Variants in RHOJ observed in about 807,000 individuals in gnomAD.
RHOJ encodes ras homolog family member J.
RHOJ carries 11 observed loss-of-function variants against 23.4 expected under a neutral mutation model. That is an observed-to-expected ratio of 0.47 (90% CI 0.30 to 0.78). The LOEUF is 0.78. Ranked by LOEUF, RHOJ falls within the 30% of genes least tolerant of loss-of-function variation. RHOJ has a pLI of 0.08. For missense variants in RHOJ, 254 were observed against 273.4 expected (o/e 0.93, Z 0.50); for synonymous variants, 102 against 102.7 (o/e 0.99, Z 0.04).
chr14:63,288,031 A>G (rs1365261445), intron 4 of RHOJ, among the ~76,000 whole-genome samples: 1 of 152,206 alleles, frequency 6.6e-6, no homozygotes, highest in Non-Finnish European at 1.5e-5. Flanking sequence ...CACTTGACAC[A>G]TGGTAACAAT....
In RHOJ at chr14:63,290,956, A is replaced by G; in HGVS notation, c.577A>G (p.Thr193Ala). The change falls in exon 5 of 5, where the codon ACC becomes GCC. Residue 193 changes from threonine (T) to alanine (A), a missense_variant. Thr to Ala is a moderately conservative substitution (Grantham distance 58). Coordinates refer to ENST00000316754, the MANE Select transcript of RHOJ (RefSeq NM_020663.5). ...LKAVFDEAIL[T>A]IFHPKKKKKR... is the part of the protein sequence containing the mutation. ...AGCGGTTTTTGATGAAGCAATCCTC[A>G]CCATTTTCCACCCCAAGAAAAAGAA... The G allele has an allele frequency of 6.2e-7, 1 of 1,614,062 alleles. No individual in the cohort carries two copies. Among genetic ancestry groups the G allele is most frequent in the Non-Finnish European group, 8.5e-7 (1 of 1,180,004 alleles).
At chr14:63,276,853 T>G (rs1034779981) in intron 2 of RHOJ, among the ~76,000 whole-genome samples, 2 of 152,248 alleles carry the variant, frequency 1.3e-5, no homozygotes, top group African/African-American at 4.8e-5. Flanking sequence ...ACAACAGTTA[T>G]TTGTTCCTAC....
intron 1 of RHOJ, among the ~76,000 whole-genome samples, chr14:63,263,136 T>C (rs889466771): frequency 6.6e-6 from 1 of 152,196 alleles, no homozygotes. Context: ...CCATTTTTAA[T>C]AGATAAGGAA....
chr14:63,242,478 A>G (rs1232868474), intron 1 of RHOJ, among the ~76,000 whole-genome samples: 1 of 152,102 alleles, frequency 6.6e-6, no homozygotes, highest in Non-Finnish European at 1.5e-5. Flanking sequence ...TTGAGGAGGG[A>G]GGATCACTTA....
chr14:63,230,102 G>A (rs1161497972), intron 1 of RHOJ, among the ~76,000 whole-genome samples: 1 of 152,082 alleles, frequency 6.6e-6, no homozygotes, highest in African/African-American at 2.4e-5. Context: ...GGAGGGCAGA[G>A]TGGGGTGGCA....
Position 63,283,514 on chromosome 14 carries a change from T to A in RHOJ, c.498+298T>A, listed in dbSNP as rs1439421096. ...TAGAACATCTACTTGCCATATTTAG[T>A]ATGAATATAGGGAGTCGTTAGATAT... On this transcript the variant is annotated intron_variant, in intron 4 of 4. Coordinates refer to ENST00000316754, the MANE Select transcript of RHOJ (RefSeq NM_020663.5). 3.3e-5 allele frequency among the ~76,000 whole-genome samples: 5 copies of A among 152,356 alleles called. No homozygotes were observed. The East Asian group carries it at 9.6e-4, about 29-fold the overall frequency.
intron 1 of RHOJ, among the ~76,000 whole-genome samples, chr14:63,221,408 G>A (rs2139737694): frequency 6.6e-6 from 1 of 152,262 alleles, no homozygotes; most frequent in East Asian, 1.9e-4. Context: ...CTTTCTTCCT[G>A]TCACACATGG....
chr14:63,288,933 G>A (rs1882166171), intron 4 of RHOJ, among the ~76,000 whole-genome samples: 1 of 152,152 alleles, frequency 6.6e-6, no homozygotes, highest in South Asian at 2.1e-4. Context: ...CCAGCTTCTT[G>A]CAGAGCTGAG....
chr14:63,278,514 T>C (rs1156839664), intron 2 of RHOJ, among the ~76,000 whole-genome samples: 1 of 152,086 alleles, frequency 6.6e-6, no homozygotes, highest in African/African-American at 2.4e-5. Flanking sequence ...GCCATGGTGG[T>C]TTGCTGCACC....
At chr14:63,232,319 T>C (rs1894710079) in intron 1 of RHOJ, among the ~76,000 whole-genome samples, 1 of 152,208 alleles carries the variant, frequency 6.6e-6, no homozygotes, top group Admixed American at 6.5e-5. Flanking sequence ...AGCTGTCTTA[T>C]TTCCCTAAAA....
At chr14:63,284,062 A>G (rs1476080729) in intron 4 of RHOJ, among the ~76,000 whole-genome samples, 2 of 152,228 alleles carry the variant, frequency 1.3e-5, no homozygotes, top group African/African-American at 4.8e-5. Flanking sequence ...GAAATTTTCA[A>G]TCTTACTTTC....
chr14:63,232,927 C>T (rs1894723573), intron 1 of RHOJ, among the ~76,000 whole-genome samples: 1 of 152,048 alleles, frequency 6.6e-6, no homozygotes, highest in African/African-American at 2.4e-5. Context: ...AACTCCTGGA[C>T]TCAAGCAATC....
intron 1 of RHOJ, among the ~76,000 whole-genome samples, chr14:63,253,004 G>A (rs892860945): frequency 2.7e-4 from 41 of 152,168 alleles, no homozygotes; most frequent in African/African-American, 9.9e-4. Context: ...TTGGCATTTG[G>A]CTGGATTTTT....
At chr14:63,221,288 C>T (rs1894488882) in intron 1 of RHOJ, among the ~76,000 whole-genome samples, 1 of 152,146 alleles carries the variant, frequency 6.6e-6, no homozygotes, top group African/African-American at 2.4e-5. Context: ...CATGATCCAG[C>T]CACTGAACTG....
chr14:63,224,612 T>C (rs574709860), intron 1 of RHOJ, among the ~76,000 whole-genome samples: 1 of 152,248 alleles, frequency 6.6e-6, no homozygotes, highest in South Asian at 2.1e-4. Context: ...GTAATTGTAC[T>C]GTTCACTGTT....
intron 1 of RHOJ, among the ~76,000 whole-genome samples, chr14:63,220,947 T>TA (rs1421964548): frequency 1.3e-5 from 2 of 152,198 alleles, no homozygotes; most frequent in African/African-American, 4.8e-5. Flanking sequence ...TAAATATCTA[T>TA]ACTGTGTTTG....
At chr14:63,282,654 T>C (rs1182721395) in intron 3 of RHOJ, among the ~76,000 whole-genome samples, 1 of 149,120 alleles carries the variant, frequency 6.7e-6, no homozygotes, top group South Asian at 2.1e-4. Flanking sequence ...ATACCTCCTT[T>C]GAGGATGAAG....
chr14:63,230,424 C>G (rs1355878474), intron 1 of RHOJ, among the ~76,000 whole-genome samples: 1 of 151,884 alleles, frequency 6.6e-6, no homozygotes, highest in East Asian at 1.9e-4. Flanking sequence ...TATTATTTGG[C>G]GTGTCTATTC....
Position 63,245,421 on chromosome 14 carries a change from G to A in RHOJ, c.179-23689G>A, listed in dbSNP as rs1261996446. 2.0e-5 allele frequency among the ~76,000 whole-genome samples: 3 copies of A among 152,134 alleles called. No homozygotes were observed. The East Asian group carries it at 5.8e-4, about 29-fold the overall frequency. On this transcript the variant is annotated intron_variant, in intron 1 of 4. Coordinates refer to ENST00000316754, the MANE Select transcript of RHOJ (RefSeq NM_020663.5). ...ATACTTTAGGAGGCTGAGGAGGCAG[G>A]AGAATGACTTGAGGCCAGGAGTTTG... is the stretch of plus-strand genomic sequence containing the variant.
Sources: gnomAD v4.1 joint callset for allele counts (sites outside exome capture counted in the v4.1 genomes callset) on GRCh38, gnomAD v4.1.1 for gene constraint, MANE v1.5 for transcripts, NCBI Gene and HGNC (gene_info 2026-07-23, HGNC 2026-07-21) for gene names.